Variants in PCDHGA3 observed in about 807,000 individuals in gnomAD.
PCDHGA3 encodes protocadherin gamma-A3.
PCDHGA3 carries 40 observed loss-of-function variants against 58.5 expected under a neutral mutation model. The ratio of observed to expected loss-of-function variants is 0.68; its 90% CI spans 0.53 to 0.89. PCDHGA3 has a LOEUF of 0.89. PCDHGA3 is among the 40% of genes least tolerant of loss of function. PCDHGA3 has a pLI of 0.00. For synonymous variants in PCDHGA3, 530 were observed against 525.7 expected (o/e 1.01, Z -0.11); for missense variants, 1,223 against 1,195.9 (o/e 1.02, Z -0.33).
chr5:141,379,652 T>C (rs905079980), intron 1 of PCDHGA3: 2 of 152,132 alleles, frequency 1.3e-5, no homozygotes, highest in Non-Finnish European at 2.9e-5. Flanking sequence ...ACTACCAACT[T>C]CTACTCTCAC....
chr5:141,371,456 A>T (rs755481962), intron 1 of PCDHGA3: 2 of 1,613,902 alleles, frequency 1.2e-6, no homozygotes, highest in African/African-American at 2.7e-5. Flanking sequence ...CTGAATCCCA[A>T]CATATACAAG....
rs1254438724 is a variant in PCDHGA3 at position 141,389,817 on chromosome 5, C to T, written c.2424+43360C>T. 17 of 1,613,870 alleles carry T rather than the reference C, an allele frequency of 1.1e-5. No homozygotes were observed. Among genetic ancestry groups the T allele is most frequent in the Non-Finnish European group, 1.4e-5 (16 of 1,179,892 alleles). On this transcript the variant is annotated intron_variant, in intron 1 of 3. Transcript: ENST00000253812. ...CCGCCAGCGCCTTCTGGTCGCCGTG[C>T]GTGACGGTGGACAGCCACCACTCTC...
At chr5:141,423,008 C>A in intron 1 of PCDHGA3, 13 of 1,614,214 alleles carry the variant, frequency 8.1e-6, no homozygotes, top group Non-Finnish European at 1.1e-5. Flanking sequence ...AAGGTGGTTG[C>A]GGTGGACAAA....
intron 1 of PCDHGA3, chr5:141,417,903 A>G (rs2096184376): frequency 1.3e-6 from 2 of 1,590,930 alleles, no homozygotes; most frequent in Non-Finnish European, 8.6e-7. Flanking sequence ...GGCCCGCGGC[A>G]GGTACTATTT....
chr5:141,466,090 C>A (rs983505253), intron 1 of PCDHGA3, among the ~76,000 whole-genome samples: 2 of 152,068 alleles, frequency 1.3e-5, no homozygotes, highest in African/African-American at 4.8e-5. Context: ...CCACTGCACT[C>A]CAGCCTGGGC....
rs948944459 is a variant in PCDHGA3 at position 141,476,485 on chromosome 5, G to T, written c.2425-18322G>T. 1 of 1,614,076 alleles carries T rather than the reference G, an allele frequency of 6.2e-7. No individual in the cohort carries two copies. The highest frequency in any genetic ancestry group is 8.5e-7 in the Non-Finnish European group (1 of 1,180,016). ...CGCTGGAGCTGTTCAGCGTGGAAGT[G>T]GTGATCCAGGACATCAACGACAACA... is the stretch of plus-strand genomic sequence containing the variant. On this transcript the variant is annotated intron_variant, in intron 1 of 3. Coordinates refer to ENST00000253812, the MANE Select transcript of PCDHGA3 (RefSeq NM_018916.4). The surrounding 1 kb of genome is among the most constrained non-coding windows in gnomAD (Gnocchi z 7.6).
chr5:141,391,912 T>C (rs1370313040), intron 1 of PCDHGA3: 1 of 152,228 alleles, frequency 6.6e-6, no homozygotes, highest in Non-Finnish European at 1.5e-5. Context: ...CTTTTTATCA[T>C]ATATTCATCT....
Position 141,487,535 on chromosome 5 carries a change from G to A in PCDHGA3, c.2425-7272G>A. 6.2e-7 allele frequency: 1 copy of A among 1,614,154 alleles called. No individual in the cohort carries two copies. Among genetic ancestry groups the A allele is most frequent in the South Asian group, 1.1e-5 (1 of 91,084 alleles). ...CACTCGGAGTGATAGCTTCATGATG[G>A]TGAAGTCACCCAGTGCACCTATGGC... On this transcript the variant is annotated intron_variant, in intron 1 of 3. Transcript: ENST00000253812. This position sits in a 1 kb window ranked among gnomAD's most constrained non-coding sequence, Gnocchi z 5.0.
intron 1 of PCDHGA3, chr5:141,366,216 CG>C (rs1338698624): frequency 6.2e-7 from 1 of 1,613,804 alleles, no homozygotes; most frequent in Non-Finnish European, 8.5e-7. Context: ...GTGCGCACAG[CG>C]CGAGCCCTGC....
chr5:141,435,940 G>A (rs2097787697), intron 1 of PCDHGA3, among the ~76,000 whole-genome samples: 1 of 152,066 alleles, frequency 6.6e-6, no homozygotes, highest in Admixed American at 6.5e-5. Flanking sequence ...CTGCTTCTGA[G>A]ACCAAAAAAG....
rs759226115 is a variant in PCDHGA3 at position 141,405,385 on chromosome 5, A to AT, written c.2424+58936dup. 3.1e-5 allele frequency: 49 copies of AT among 1,599,976 alleles called. 1 individual carries two copies. The highest frequency in any genetic ancestry group is 2.8e-4 in the Admixed American group (16 of 56,782). On this transcript the variant is annotated intron_variant, in intron 1 of 3. Coordinates refer to ENST00000253812, the MANE Select transcript of PCDHGA3 (RefSeq NM_018916.4). ...ACACCCCTTTGGTTCCGGTGAGTTC[A>AT]TTTTTTTTCTTTCTTTCTTTTCTTT...
intron 1 of PCDHGA3, among the ~76,000 whole-genome samples, chr5:141,453,176 C>A (rs1225418058): frequency 6.6e-6 from 1 of 152,042 alleles, no homozygotes; most frequent in African/African-American, 2.4e-5. Flanking sequence ...TCCAGTGGTA[C>A]AATCACAGCT....
intron 1 of PCDHGA3, chr5:141,352,244 G>C (rs763362885): frequency 1.4e-5 from 22 of 1,613,980 alleles, no homozygotes; most frequent in Non-Finnish European, 3.4e-6. Flanking sequence ...AATCTTCGCG[G>C]ATAGCCTGCA....
intron 1 of PCDHGA3, among the ~76,000 whole-genome samples, chr5:141,358,207 T>TA (rs1313276659): frequency 1.3e-5 from 2 of 152,078 alleles, no homozygotes; most frequent in Non-Finnish European, 2.9e-5. Context: ...TAAAATAAAA[T>TA]AAAGTAAAAT....
At chr5:141,416,274 A>G (rs2096010347) in intron 1 of PCDHGA3, 2 of 152,404 alleles carry the variant, frequency 1.3e-5, no homozygotes, top group Non-Finnish European at 1.5e-5. Flanking sequence ...CTTTTTGCAT[A>G]CAATTCTCTA....
chr5:141,351,742 G>T (rs772414660), intron 1 of PCDHGA3: 1 of 1,613,676 alleles, frequency 6.2e-7, no homozygotes, highest in Admixed American at 1.7e-5. Flanking sequence ...ACCTGGAGCC[G>T]CGGGAGCTGT....
At position 141,345,139 on chromosome 5, in the gene PCDHGA3, T is replaced by C. The variant is rs1757525041; in HGVS notation, c.1106T>C (p.Ile369Thr). The C allele has an allele frequency of 6.2e-7, 1 of 1,613,902 alleles. No homozygotes were observed. The highest frequency in any genetic ancestry group is 1.3e-5 in the African/African-American group (1 of 74,916). Residue 369 changes from isoleucine to threonine, a missense_variant, in exon 1 of 4, where the codon ATC (isoleucine) becomes ACC (threonine). Transcript: ENST00000253812. ...ACCGTTGGAAGAGAAATTGCTCTTA[T>C]CGACGTGCATGACCGAGATTCTGGG... The part of the protein sequence containing the change: ...EGTVGREIAL[I>T]DVHDRDSGQN...
chr5:141,351,882 A>C, intron 1 of PCDHGA3: 1 of 1,613,352 alleles, frequency 6.2e-7, no homozygotes, highest in South Asian at 1.1e-5. Context: ...CTCAGCGCCA[A>C]CGTGAGCCTG....
rs1757608727 is a variant in PCDHGA3, at chr5:141,345,605, A to C, written c.1572A>C (p.Gln524His). 1 of 1,614,036 alleles carries C rather than the reference A, an allele frequency of 6.2e-7. No individual in the cohort carries two copies. Among genetic ancestry groups the C allele is most frequent in the African/African-American group, 1.3e-5 (1 of 74,914 alleles). The change falls in exon 1 of 4, where the codon CAA (glutamine) becomes CAC (histidine). Residue 524 changes from glutamine (Q) to histidine (H), a missense_variant. Gln to His is a conservative substitution (Grantham distance 24). Transcript: ENST00000253812. ...CGCTGAGATCCTTCGACTACGAGCA[A>C]TTTAGAGACTTAAAGCTACTGGTGA... Reference protein sequence around the residue: ...LYALRSFDYEQFRDLKLLVTA... With the variant: ...LYALRSFDYEHFRDLKLLVTA...
Sources: gnomAD v4.1 joint callset for allele counts (sites outside exome capture counted in the v4.1 genomes callset) on GRCh38, gnomAD v4.1.1 for gene constraint, Gnocchi (gnomAD v3.1) non-coding constraint, MANE v1.5 for transcripts, NCBI Gene and HGNC (gene_info 2026-07-23, HGNC 2026-07-21) for gene names.